The following PPP1R42 variants were observed in gnomAD, a reference collection of about 807,000 sequenced individuals.
PPP1R42 encodes protein phosphatase 1 regulatory subunit 42.
Under a neutral mutation model 31.0 loss-of-function variants are expected in PPP1R42, and 34 were observed. That is an observed-to-expected ratio of 1.10 (90% CI 0.83 to 1.46). The LOEUF is 1.46. PPP1R42 is among the 40% of genes most tolerant of loss of function. The pLI, the probability that PPP1R42 is intolerant of heterozygous loss-of-function variation, is 0.00. For missense variants in PPP1R42, 268 were observed against 303.0 expected (o/e 0.88, Z 0.86); for synonymous variants, 103 against 109.8 (o/e 0.94, Z 0.39).
intron 6 of PPP1R42, chr8:66,984,369 A>G (rs1199622082): frequency 3.1e-6 from 4 of 1,305,406 alleles, no homozygotes; most frequent in Non-Finnish European, 4.4e-6. Context: ...ATGTCTGTTC[A>G]TCCCACTTTA....
At chr8:66,993,450 C>T (rs1236864396) in intron 5 of PPP1R42, among the ~76,000 whole-genome samples, 1 of 152,226 alleles carries the variant, frequency 6.6e-6, no homozygotes, top group Non-Finnish European at 1.5e-5. Flanking sequence ...CTATGTTCCA[C>T]CTTCACTATC....
chr8:66,985,532 A>T, intron 6 of PPP1R42: 1 of 1,278,882 alleles, frequency 7.8e-7, no homozygotes. Flanking sequence ...TGGAGATTAG[A>T]CGGGCCCACC....
intron 4 of PPP1R42, 52 bp downstream of exon 4, chr8:67,012,906 A>G (rs1304019071): frequency 6.6e-7 from 1 of 1,504,898 alleles, no homozygotes. Flanking sequence ...CTGTTTCATT[A>G]TAACTTGTTA....
intron 6 of PPP1R42, chr8:66,984,219 GT>G: frequency 6.5e-7 from 1 of 1,528,252 alleles, no homozygotes; most frequent in Non-Finnish European, 9.1e-7. Context: ...CATGAGCTAT[GT>G]TCTCTATAGG....
At chr8:67,019,906 A>C (rs866416478) in intron 1 of PPP1R42, among the ~76,000 whole-genome samples, 29 of 151,896 alleles carry the variant, frequency 1.9e-4, no homozygotes, top group African/African-American at 5.3e-4. Context: ...AAAAACCAAA[A>C]AAACAAACAA....
intron 5 of PPP1R42, 40 bp from the exon 6 acceptor site, chr8:66,988,557 T>A: frequency 6.5e-7 from 1 of 1,540,560 alleles, no homozygotes; most frequent in Non-Finnish European, 8.8e-7. Context: ...AAGCATTTCA[T>A]ATTTACCAAT....
chr8:66,992,065 C>T (rs978747898), intron 5 of PPP1R42, among the ~76,000 whole-genome samples: 3 of 152,152 alleles, frequency 2.0e-5, no homozygotes, highest in African/African-American at 7.2e-5. Flanking sequence ...AGCCTTATCA[C>T]TGATCCACAC....
intron 5 of PPP1R42, among the ~76,000 whole-genome samples, chr8:66,995,611 T>C (rs1423202412): frequency 6.6e-6 from 1 of 152,156 alleles, no homozygotes; most frequent in African/African-American, 2.4e-5. Context: ...AGTAAATAAA[T>C]CAAAATTCCT....
Position 67,014,600 on chromosome 8 carries a change from G to T in PPP1R42, c.130-8C>A. 6.7e-7 allele frequency: 1 copy of T among 1,500,000 alleles called. No individual in the cohort carries two copies. The highest frequency in any genetic ancestry group is 9.0e-7 in the Non-Finnish European group (1 of 1,115,574). The allele number at this position is 1,500,000 out of a possible 1,614,324, so 92.9% of individuals were successfully genotyped here. ...GCAAAGAGAGAGGTCTTCCTAAAAG[G>T]GAAACAAAAACATGTCAAATGTAAT... On this transcript the variant is annotated splice_region_variant and splice_polypyrimidine_tract_variant and intron_variant, in intron 2 of 7. Coordinates refer to ENST00000685739, the MANE Select transcript of PPP1R42 (RefSeq NM_001364910.1).
chr8:66,968,222 C>A (rs1476444975), intron 7 of PPP1R42, among the ~76,000 whole-genome samples: 7 of 152,130 alleles, frequency 4.6e-5, no homozygotes, highest in Admixed American at 6.5e-5. Flanking sequence ...ATGAGTCTGA[C>A]TTTTTCCTCC....
In PPP1R42 at chr8:66,988,401, C is replaced by A; in HGVS notation, c.669G>T (p.Leu223=). ...RDRLILVSKS[L]EFLDGKEIKN... is the part of the protein sequence containing the mutation. ...AATTATATTAATATAAATATGTACC[C>A]AGTGATTTGGACACCAATATCAGTC... The change falls in exon 6 of 8, where the codon CTG becomes CTT. Residue 223 remains leucine (L), a splice_region_variant and synonymous_variant. Coordinates refer to ENST00000685739, the MANE Select transcript of PPP1R42 (RefSeq NM_001364910.1). 6.6e-7 allele frequency: 1 copy of A among 1,515,632 alleles called. No homozygotes were observed. Among genetic ancestry groups the A allele is most frequent in the South Asian group, 1.3e-5 (1 of 75,180 alleles). 93.9% of individuals were successfully genotyped at this position (1,515,632 alleles called of 1,614,324 possible).
intron 6 of PPP1R42, chr8:66,984,474 T>A (rs1814942160): frequency 7.8e-7 from 1 of 1,283,236 alleles, no homozygotes; most frequent in Non-Finnish European, 1.1e-6. Context: ...ACACCACTCC[T>A]ATCAGGTACA....
intron 5 of PPP1R42, among the ~76,000 whole-genome samples, chr8:67,006,081 A>G (rs965023032): frequency 6.6e-6 from 1 of 152,198 alleles, no homozygotes; most frequent in East Asian, 1.9e-4. Context: ...TAAGCTAGGC[A>G]CTGGGTACCA....
intron 5 of PPP1R42, among the ~76,000 whole-genome samples, chr8:67,003,238 C>T (rs1815561173): frequency 6.8e-6 from 1 of 147,466 alleles, no homozygotes; most frequent in South Asian, 2.1e-4. Flanking sequence ...CTTTCCATTT[C>T]TCTTCCCTTT....
chr8:66,986,253 A>G (rs1815011577), intron 6 of PPP1R42: 1 of 516,980 alleles, frequency 1.9e-6, no homozygotes. Context: ...CATCACTGAT[A>G]AATTAGGGAG....
At chr8:67,013,526 CTAAA>C (rs57947189) in intron 3 of PPP1R42, among the ~76,000 whole-genome samples, 201 of 146,224 alleles carry the variant, frequency 1.4e-3, no homozygotes, top group Admixed American at 2.7e-3. Flanking sequence ...GATCCCATCT[CTAAA>C]TAAATAAATA....
intron 5 of PPP1R42, among the ~76,000 whole-genome samples, chr8:67,008,909 C>T (rs1383021608): frequency 1.3e-5 from 2 of 152,040 alleles, no homozygotes; most frequent in Non-Finnish European, 2.9e-5. Context: ...GAAGTTTTGC[C>T]CTGTTATCAA....
At chr8:66,985,784 C>T in intron 6 of PPP1R42, 1 of 1,223,840 alleles carries the variant, frequency 8.2e-7, no homozygotes, top group Non-Finnish European at 1.2e-6. Context: ...TGCCATTTTG[C>T]TGCGTCCATC....
intron 5 of PPP1R42, among the ~76,000 whole-genome samples, chr8:66,992,108 C>T (rs1295324637): frequency 6.6e-6 from 1 of 152,216 alleles, no homozygotes; most frequent in Non-Finnish European, 1.5e-5. Context: ...AGTCTCAATT[C>T]TTTGGAATAT....
Sources: gnomAD v4.1 joint callset for allele counts (sites outside exome capture counted in the v4.1 genomes callset) on GRCh38, gnomAD v4.1.1 for gene constraint, MANE v1.5 for transcripts, NCBI Gene and HGNC (gene_info 2026-07-23, HGNC 2026-07-21) for gene names.